Variants in YIPF7 observed in about 807,000 individuals in gnomAD.
YIPF7 encodes the protein protein YIPF7.
In YIPF7, 35 loss-of-function variants were observed where a neutral mutation model predicts 27.2. The observed-to-expected ratio is 1.29, with a 90% CI of 0.98 to 1.70. The LOEUF (loss-of-function observed/expected upper bound fraction) is 1.70, where lower values mean the gene tolerates loss of function less well. Among genes scored for constraint, YIPF7 ranks in the 40% most tolerant of loss-of-function variants. The probability of loss-of-function intolerance (pLI) is 0.00; values close to 1 mark genes in which losing one functional copy is unlikely to be tolerated. For synonymous variants in YIPF7, 137 were observed against 110.4 expected (o/e 1.24, Z -1.51); for missense variants, 358 against 303.7 (o/e 1.18, Z -1.33).
At chr4:44,635,400 T>C (rs1430919394) in intron 3 of YIPF7, among the ~76,000 whole-genome samples, 1 of 152,086 alleles carries the variant, frequency 6.6e-6, no homozygotes, top group East Asian at 1.9e-4. Context: ...TTTATGTTCT[T>C]CCTCACCTAC....
chr4:44,656,077 T>C (rs554339900), upstream of YIPF7, among the ~76,000 whole-genome samples: 4 of 152,186 alleles, frequency 2.6e-5, no homozygotes, highest in East Asian at 1.9e-4. Flanking sequence ...TCTAGCAGAG[T>C]TATTGCTGAA....
chr4:44,623,602 C>T (rs1262930580), intron 5 of YIPF7, among the ~76,000 whole-genome samples: 1 of 152,184 alleles, frequency 6.6e-6, no homozygotes, highest in Admixed American at 6.5e-5. Context: ...TCTAATGCCT[C>T]AGACCATTAA....
At chr4:44,638,864 G>C (rs1009824238) in intron 2 of YIPF7, among the ~76,000 whole-genome samples, 1 of 152,066 alleles carries the variant, frequency 6.6e-6, no homozygotes, top group African/African-American at 2.4e-5. Context: ...GTTTATTTTT[G>C]TATATGGTGG....
At chr4:44,646,525 A>C (rs1713530561) in intron 2 of YIPF7, among the ~76,000 whole-genome samples, 1 of 152,212 alleles carries the variant, frequency 6.6e-6, no homozygotes, top group Non-Finnish European at 1.5e-5. Flanking sequence ...TTTTTTCCAC[A>C]TAATATGAAT....
At chr4:44,656,491 T>C (rs1477609110), upstream of YIPF7, among the ~76,000 whole-genome samples, 1 of 152,064 alleles carries the variant, frequency 6.6e-6, no homozygotes, top group Non-Finnish European at 1.5e-5. Flanking sequence ...CTTTTATGTG[T>C]GTATATAAAC....
chr4:44,651,434 A>G, intron 1 of YIPF7, 120 bp downstream of exon 1: 1 of 524,732 alleles, frequency 1.9e-6, no homozygotes, highest in Non-Finnish European at 3.2e-6. Context: ...TTGAGAATAC[A>G]CTAAATTTTC....
intron 2 of YIPF7, among the ~76,000 whole-genome samples, chr4:44,644,473 T>C (rs1713453633): frequency 1.3e-5 from 2 of 152,258 alleles, no homozygotes; most frequent in African/African-American, 2.4e-5. Flanking sequence ...TAAGATTTAA[T>C]GACTGCACTG....
At chr4:44,651,090 A>G (rs938221654) in intron 1 of YIPF7, among the ~76,000 whole-genome samples, 2 of 152,230 alleles carry the variant, frequency 1.3e-5, no homozygotes, top group African/African-American at 4.8e-5. Context: ...ACTTATAAAA[A>G]TATCAAATGA....
At chr4:44,626,939 C>T (rs1712675844) in intron 4 of YIPF7, among the ~76,000 whole-genome samples, 1 of 132,536 alleles carries the variant, frequency 7.5e-6, no homozygotes, top group South Asian at 3.0e-4. Flanking sequence ...CCACACCTGG[C>T]TAATTTTCTG....
At chr4:44,645,072 T>G (rs992757658) in intron 2 of YIPF7, among the ~76,000 whole-genome samples, 1 of 152,178 alleles carries the variant, frequency 6.6e-6, no homozygotes, top group Admixed American at 6.5e-5. Context: ...CTCTACAGCC[T>G]GTGGGACTAT....
upstream of YIPF7, among the ~76,000 whole-genome samples, chr4:44,656,267 G>T (rs1487969396): frequency 6.6e-6 from 1 of 151,956 alleles, no homozygotes; most frequent in African/African-American, 2.4e-5. Flanking sequence ...GCAAATTGAT[G>T]TAATTAATTT....
At position 44,624,692 on chromosome 4, in the gene YIPF7, C is replaced by T. The variant is rs1712566381; in HGVS notation, c.517G>A (p.Gly173Arg). ...HALLNLMSSS[G>R]VSYGCVASVL... ...CTGGCCACACAGCCGTACGACACCC[C>T]TGAAGAGCTCATCAGGTTCAGCAAG... The change falls in exon 5 of 6, where the codon GGG becomes AGG. Residue 173 changes from glycine to arginine, a missense_variant. Transcript: ENST00000415895. The T allele has an allele frequency of 6.2e-7, 1 of 1,609,966 alleles. No individual in the cohort carries two copies. The highest frequency in any genetic ancestry group is 8.5e-7 in the Non-Finnish European group (1 of 1,178,256).
At chr4:44,636,857 A>G (rs1291028986) in intron 2 of YIPF7, among the ~76,000 whole-genome samples, 1 of 152,162 alleles carries the variant, frequency 6.6e-6, no homozygotes, top group African/African-American at 2.4e-5. Flanking sequence ...CCAAAACCCA[A>G]ATAACATTCA....
intron 4 of YIPF7, among the ~76,000 whole-genome samples, chr4:44,627,320 A>C (rs1712697485): frequency 6.6e-6 from 1 of 152,214 alleles, no homozygotes; most frequent in Admixed American, 6.5e-5. Flanking sequence ...CTTTCGCCTG[A>C]AGAAAGCCTA....
intron 3 of YIPF7, 117 bp from the exon 4 acceptor site, chr4:44,629,665 T>G (rs1328352183): frequency 1.4e-6 from 1 of 719,848 alleles, no homozygotes; most frequent in Non-Finnish European, 2.1e-6. Flanking sequence ...TTAATCTGAT[T>G]GTTCTATCAT....
chr4:44,622,160 T>C lies in YIPF7; in HGVS notation c.*254A>G, dbSNP rs3213898. The C allele has an allele frequency of 0.071, 26,989 of 380,970 alleles. 1,192 individuals carry two copies. The highest frequency in any genetic ancestry group is 0.13 in the Admixed American group (2,937 of 23,452). 23.6% of individuals were successfully genotyped at this position (380,970 alleles called of 1,614,324 possible). A position where few individuals can be genotyped will look rare whatever the true frequency, so the allele number is the denominator to read the frequency against. The stretch of plus-strand genomic sequence containing the variant: ...ATACCTCTATTGAGAAAAGCAGGGT[T>C]GATCAGTACAGCAACTGTATCCCTT... On this transcript the variant is annotated 3_prime_UTR_variant, in exon 6 of 6. Coordinates refer to ENST00000415895, the MANE Select transcript of YIPF7 (RefSeq NM_182592.3).
intron 3 of YIPF7, among the ~76,000 whole-genome samples, chr4:44,633,816 T>G (rs1389598996): frequency 6.6e-6 from 1 of 152,142 alleles, no homozygotes; most frequent in Non-Finnish European, 1.5e-5. Flanking sequence ...ACTCTTTAGA[T>G]TCTATAGAAA....
At chr4:44,623,345 C>A (rs1712507847) in intron 5 of YIPF7, among the ~76,000 whole-genome samples, 2 of 152,138 alleles carry the variant, frequency 1.3e-5, no homozygotes, top group South Asian at 4.1e-4. Flanking sequence ...TGGGAGAAAT[C>A]TCAGGAGATG....
chr4:44,624,835 A>G (rs1577731646), intron 4 of YIPF7, 53 bp from the exon 5 acceptor site: 4 of 1,485,496 alleles, frequency 2.7e-6, no homozygotes, highest in Non-Finnish European at 3.6e-6. Flanking sequence ...CACCGAGAGG[A>G]AATCTGAATA....
Sources: gnomAD v4.1 joint callset for allele counts (sites outside exome capture counted in the v4.1 genomes callset) on GRCh38, gnomAD v4.1.1 for gene constraint, MANE v1.5 for transcripts, NCBI Gene and HGNC (gene_info 2026-07-23, HGNC 2026-07-21) for gene names.